GALNT2: variants seen among roughly 807,000 people sequenced by gnomAD.
GALNT2 encodes polypeptide N-acetylgalactosaminyltransferase 2.
A neutral mutation model predicts 81.4 loss-of-function variants in GALNT2; 31 were observed. That is an observed-to-expected ratio of 0.38 (90% CI 0.29 to 0.51). GALNT2 has a LOEUF of 0.51. GALNT2 is among the 20% of genes least tolerant of loss of function. GALNT2 has a pLI of 0.87. For synonymous variants in GALNT2, 303 were observed against 287.4 expected (o/e 1.05, Z -0.55); for missense variants, 629 against 765.7 (o/e 0.82, Z 2.11).
intron 1 of GALNT2, among the ~76,000 whole-genome samples, chr1:230,113,201 T>C (rs1660753010): frequency 6.6e-6 from 1 of 152,166 alleles, no homozygotes; most frequent in Admixed American, 6.5e-5. Context: ...GCTCTGTTGA[T>C]GCCAGAGCTG....
At chr1:230,095,218 G>T (rs1158361801) in intron 1 of GALNT2, among the ~76,000 whole-genome samples, 1 of 152,160 alleles carries the variant, frequency 6.6e-6, no homozygotes, top group African/African-American at 2.4e-5. Context: ...TGTCCTTTCT[G>T]TGGCTTGGGT....
chr1:230,071,509 C>G (rs906400213), intron 1 of GALNT2, among the ~76,000 whole-genome samples: 1 of 152,170 alleles, frequency 6.6e-6, no homozygotes, highest in Admixed American at 6.5e-5. Flanking sequence ...CTCCACTGCT[C>G]TCCCTCTGTA....
intron 3 of GALNT2, among the ~76,000 whole-genome samples, chr1:230,212,071 C>G (rs1451952309): frequency 6.6e-6 from 1 of 152,170 alleles, no homozygotes; most frequent in Non-Finnish European, 1.5e-5. Flanking sequence ...GAGCCTTAGT[C>G]CCCAGGGATT....
At chr1:230,205,698 A>T (rs757500151) in intron 3 of GALNT2, among the ~76,000 whole-genome samples, 25 of 152,110 alleles carry the variant, frequency 1.6e-4, no homozygotes, top group Non-Finnish European at 3.2e-4. Context: ...TCGCAAGTGT[A>T]TATGTAGGTG....
At chr1:230,168,198 T>A (rs1256332832) in intron 1 of GALNT2, among the ~76,000 whole-genome samples, 1 of 152,128 alleles carries the variant, frequency 6.6e-6, no homozygotes, top group African/African-American at 2.4e-5. Context: ...CTCAGCTAAC[T>A]TAGGGCTAGA....
intron 14 of GALNT2, 98 bp from the exon 15 acceptor site, chr1:230,274,347 C>T (rs1666226705): frequency 6.7e-7 from 1 of 1,494,288 alleles, no homozygotes; most frequent in Non-Finnish European, 9.1e-7. Flanking sequence ...AAGCTCCACC[C>T]CGTGACCCAT....
At chr1:230,236,631 A>T in intron 5 of GALNT2, 29 bp from the exon 6 acceptor site, 1 of 1,602,888 alleles carries the variant, frequency 6.2e-7, no homozygotes, top group Non-Finnish European at 8.5e-7. Flanking sequence ...CTCCAGGTTC[A>T]AAATGCTCTG....
chr1:230,209,353 G>A (rs1461036861), intron 3 of GALNT2, among the ~76,000 whole-genome samples: 1 of 69,912 alleles, frequency 1.4e-5, no homozygotes, highest in African/African-American at 9.9e-5. Context: ...CCTAAAGGGT[G>A]GCGCCCTGAT....
intron 1 of GALNT2, among the ~76,000 whole-genome samples, chr1:230,072,064 C>T (rs1482231920): frequency 2.6e-5 from 4 of 151,976 alleles, no homozygotes; most frequent in South Asian, 2.1e-4. Context: ...TCTTCAGACC[C>T]GCTGTCAGTT....
At chr1:230,261,242 T>C (rs915896703) in intron 11 of GALNT2, among the ~76,000 whole-genome samples, 7 of 152,212 alleles carry the variant, frequency 4.6e-5, no homozygotes, top group African/African-American at 1.4e-4. Context: ...CTGTGTTGAA[T>C]GGCATTATGG....
upstream of GALNT2, chr1:230,067,211 A>G (rs971139760): frequency 1.7e-5 from 17 of 1,026,578 alleles, no homozygotes; most frequent in African/African-American, 1.0e-4. Context: ...CCCGGCCCCC[A>G]CCGCGCCCGC....
intron 3 of GALNT2, among the ~76,000 whole-genome samples, chr1:230,220,324 C>A (rs1664507653): frequency 6.6e-6 from 1 of 151,596 alleles, no homozygotes; most frequent in Non-Finnish European, 1.5e-5. Flanking sequence ...GAATTATGGA[C>A]CCTCGCTAGG....
chr1:230,161,580 C>T (rs1325149460), intron 1 of GALNT2, among the ~76,000 whole-genome samples: 2 of 152,220 alleles, frequency 1.3e-5, no homozygotes, highest in African/African-American at 4.8e-5. Flanking sequence ...TCTTAAGATA[C>T]TCATGACTTT....
intron 8 of GALNT2, 30 bp downstream of exon 8, chr1:230,246,180 G>A (rs368396269): frequency 2.0e-6 from 3 of 1,521,022 alleles, no homozygotes; most frequent in Non-Finnish European, 2.7e-6. Flanking sequence ...CCCCTGCCTA[G>A]CTCGTCCCGT....
chr1:230,222,354 T>TG (rs1407167903), intron 3 of GALNT2, among the ~76,000 whole-genome samples: 3 of 152,140 alleles, frequency 2.0e-5, no homozygotes, highest in Non-Finnish European at 4.4e-5. Flanking sequence ...CCCTGCCCCA[T>TG]GAGAGTTGAA....
rs11484029 is a variant in GALNT2 at position 230,099,386 on chromosome 1, G to GT, written c.126+31981dup. On this transcript the variant is annotated intron_variant, in intron 1 of 15. Transcript: ENST00000366672. ...GTCAGATGTCTTGGGGAATCTGGGG[G>GT]TAAGCATAGTTGAATACACTCTCTG... 9.2e-3 allele frequency among the ~76,000 whole-genome samples: 1,406 copies of GT among 152,248 alleles called. 20 individuals carry two copies. The highest frequency in any genetic ancestry group is 0.03 in the African/African-American group (1,247 of 41,534).
At chr1:230,119,229 TCTG>T (rs2102798726) in intron 1 of GALNT2, among the ~76,000 whole-genome samples, 1 of 152,352 alleles carries the variant, frequency 6.6e-6, no homozygotes, top group African/African-American at 2.4e-5. Flanking sequence ...CTTTTTTCCC[TCTG>T]CTTTTGGTCA....
intron 3 of GALNT2, among the ~76,000 whole-genome samples, chr1:230,221,903 T>G (rs1664557359): frequency 6.6e-6 from 1 of 152,074 alleles, no homozygotes; most frequent in Non-Finnish European, 1.5e-5. Flanking sequence ...TTATTAATTA[T>G]AAACTTTTCA....
At position 230,156,031 on chromosome 1, in the gene GALNT2, G is replaced by T. The variant is rs1161923096; in HGVS notation, c.127-22187G>T. ...GACTGTGTCCTGGTCATGGGGCTCA[G>T]TCTGTGGGTGGGTGATAGAAGAGTA... On this transcript the variant is annotated intron_variant, in intron 1 of 15. Coordinates refer to ENST00000366672, the MANE Select transcript of GALNT2 (RefSeq NM_004481.5). Among the ~76,000 whole-genome samples, 6 of 152,056 alleles carry T rather than the reference G, an allele frequency of 3.9e-5. No individual in the cohort carries two copies. The East Asian group carries it at 1.2e-3, about 29-fold the overall frequency.
Sources: gnomAD v4.1 joint callset for allele counts (sites outside exome capture counted in the v4.1 genomes callset) on GRCh38, gnomAD v4.1.1 for gene constraint, MANE v1.5 for transcripts, NCBI Gene and HGNC (gene_info 2026-07-23, HGNC 2026-07-21) for gene names.